The following NKIRAS1 variants were observed in gnomAD, a reference collection of about 807,000 sequenced individuals.
NKIRAS1 encodes the protein NF-kappa-B inhibitor-interacting Ras-like protein 1.
A neutral mutation model predicts 19.8 loss-of-function variants in NKIRAS1; 16 were observed. The ratio of observed to expected loss-of-function variants is 0.81; its 90% CI spans 0.55 to 1.23. The LOEUF is 1.23. NKIRAS1 is among the 50% of genes most tolerant of loss of function. The pLI, the probability that NKIRAS1 is intolerant of heterozygous loss-of-function variation, is 0.00. For missense variants in NKIRAS1, 184 were observed against 220.0 expected, an observed-to-expected ratio of 0.84 and a Z score of 1.04; for synonymous variants, 88 against 79.0, an observed-to-expected ratio of 1.11 and a Z score of -0.61.
chr3:23,917,934 C>A, upstream of NKIRAS1: 10 of 1,613,694 alleles, frequency 6.2e-6, no homozygotes, highest in Non-Finnish European at 8.5e-6. Context: ...TTCTGAGGGT[C>A]CGCTGCTGGC....
chr3:23,914,411 T>C (rs140921439), intron 1 of NKIRAS1, among the ~76,000 whole-genome samples: 64 of 152,320 alleles, frequency 4.2e-4, no homozygotes, highest in African/African-American at 1.4e-3. Context: ...TCTCTAAAAA[T>C]ACTGTCATGT....
intron 1 of NKIRAS1, among the ~76,000 whole-genome samples, chr3:23,933,280 C>T (rs535917348): frequency 6.6e-6 from 1 of 152,242 alleles, no homozygotes; most frequent in African/African-American, 2.4e-5. Flanking sequence ...TCCTGCCTCA[C>T]GCCTCCAGAA....
At chr3:23,920,543 A>C, upstream of NKIRAS1, 1 of 985,304 alleles carries the variant, frequency 1.0e-6, no homozygotes, top group Non-Finnish European at 1.2e-6. Flanking sequence ...CTTCCAGGAG[A>C]CTAGACTACT....
upstream of NKIRAS1, chr3:23,919,189 A>C (rs368646822): frequency 1.2e-6 from 2 of 1,610,094 alleles, no homozygotes; most frequent in East Asian, 2.2e-5. Context: ...CTTTTTTCCT[A>C]TTCTAGGAGC....
chr3:23,928,999 TAAA>T (rs539612913), intron 1 of NKIRAS1, among the ~76,000 whole-genome samples: 1,310 of 122,538 alleles, frequency 0.011, 6 homozygotes, highest in Non-Finnish European at 0.017. Context: ...TCCATCTCTT[TAAA>T]AAAAAAAAAA....
intron 1 of NKIRAS1, among the ~76,000 whole-genome samples, chr3:23,914,764 A>C (rs570143033): frequency 6.6e-6 from 1 of 152,376 alleles, no homozygotes; most frequent in Non-Finnish European, 1.5e-5. Flanking sequence ...CAAATTGAGA[A>C]ACAAAACTGC....
intron 1 of NKIRAS1, among the ~76,000 whole-genome samples, chr3:23,933,634 C>A (rs1450617443): frequency 6.6e-6 from 1 of 152,190 alleles, no homozygotes. Flanking sequence ...CTATCTCCCC[C>A]ACTCCTACTC....
intron 1 of NKIRAS1, among the ~76,000 whole-genome samples, chr3:23,928,117 C>CACAG (rs1705241193): frequency 6.6e-6 from 1 of 151,044 alleles, no homozygotes; most frequent in South Asian, 2.1e-4. Context: ...CACACACACA[C>CACAG]ACACACACAC....
At chr3:23,912,610 A>C (rs1703872200) in intron 1 of NKIRAS1, among the ~76,000 whole-genome samples, 1 of 152,228 alleles carries the variant, frequency 6.6e-6, no homozygotes, top group Admixed American at 6.5e-5. Context: ...AAACTAGCTC[A>C]GCCATTGTGG....
At chr3:23,917,831 A>T, upstream of NKIRAS1, 1 of 1,601,282 alleles carries the variant, frequency 6.2e-7, no homozygotes, top group Non-Finnish European at 8.5e-7. Flanking sequence ...GATATTTAAT[A>T]CACAGTTTGA....
In NKIRAS1 at chr3:23,945,985, C is replaced by A. The variant is rs1045276976; in HGVS notation, c.-140+338G>T. The A allele has an allele frequency of 2.7e-5, 14 of 523,380 alleles. No homozygotes were observed. In the African/African-American group the frequency reaches 2.7e-4, roughly 10 times the overall value. The allele number at this position is 523,380 out of a possible 1,614,324, so 32.4% of individuals were successfully genotyped here. On this transcript the variant is annotated intron_variant, in intron 1 of 4. Coordinates refer to the NKIRAS1 transcript ENST00000421515. ...CGGGGACACGTGAGGCCGCTCGGCT[C>A]CCTGACCCACATTCCCCGGGGCCGC...
At position 23,891,197 on chromosome 3, in the gene NKIRAS1, T is replaced by TTAAC. The variant is rs373096452; in HGVS notation, c.*1894_*1897dup. 6 of 152,556 alleles carry TTAAC rather than the reference T, an allele frequency of 3.9e-5. No homozygotes were observed. The highest frequency in any genetic ancestry group is 3.4e-3 in the Middle Eastern group (1 of 294). 9.5% of individuals were successfully genotyped at this position (152,556 alleles called of 1,614,324 possible). The stretch of plus-strand genomic sequence containing the variant: ...ACCTGTAGTGAAATACCTTAAGCTG[T>TTAAC]TAACTAACTGTAAGGCGTGGAATAG... On this transcript the variant is annotated 3_prime_UTR_variant, in exon 5 of 5. Transcript: ENST00000425478.
At chr3:23,918,378 A>G, upstream of NKIRAS1, 1 of 1,555,514 alleles carries the variant, frequency 6.4e-7, no homozygotes, top group Middle Eastern at 2.4e-4. Flanking sequence ...GTGACAAGCC[A>G]TTGAGTCTTA....
rs771600675 is a variant in NKIRAS1, at chr3:23,926,076, C to T, written c.-139-14626G>A. ...TTTATTTATTTATTTTTTGAGACAG[C>T]GTCTTGCTCTGTCGCCCAGGCTGGA... On this transcript the variant is annotated intron_variant, in intron 1 of 4. Coordinates refer to the NKIRAS1 transcript ENST00000421515. The surrounding 1 kb of genome is among the most constrained non-coding windows in gnomAD (Gnocchi z 4.3). Among the ~76,000 whole-genome samples the T allele has an allele frequency of 1.1e-4, 17 of 152,058 alleles. No individual in the cohort carries two copies. The highest frequency in any genetic ancestry group is 1.9e-4 in the East Asian group (1 of 5,170).
chr3:23,921,570 G>GTTTTTTTTTTTTTTTTTTT, upstream of NKIRAS1: 1 of 508,320 alleles, frequency 2.0e-6, no homozygotes, highest in East Asian at 3.5e-5. Context: ...TGATTATTGA[G>GTTTTTTTTTTTTTTTTTTT]TTTTTTTTTT....
At chr3:23,938,296 A>G (rs1200249398) in intron 1 of NKIRAS1, among the ~76,000 whole-genome samples, 1 of 148,594 alleles carries the variant, frequency 6.7e-6, no homozygotes, top group African/African-American at 2.5e-5. Flanking sequence ...TGCAGCCTCT[A>G]TCTCCCAGGC....
chr3:23,938,586 G>GC (rs1559517216), intron 1 of NKIRAS1, among the ~76,000 whole-genome samples: 1 of 152,074 alleles, frequency 6.6e-6, no homozygotes, highest in African/African-American at 2.4e-5. Context: ...CTTTAAAATT[G>GC]TTCCCTTTTG....
chr3:23,902,357 T>G (rs1702605852), intron 3 of NKIRAS1, among the ~76,000 whole-genome samples: 1 of 152,138 alleles, frequency 6.6e-6, no homozygotes. Context: ...AAACCAAAAA[T>G]TTACTTTCAT....
chr3:23,920,282 C>T (rs1176676449), upstream of NKIRAS1: 6 of 985,650 alleles, frequency 6.1e-6, no homozygotes, highest in Non-Finnish European at 7.2e-6. Flanking sequence ...AAGTAGTTGG[C>T]TATAAGTACG....
Sources: allele counts gnomAD v4.1 joint callset (sites outside exome capture counted in the v4.1 genomes callset), GRCh38; gene constraint gnomAD v4.1.1; non-coding constraint Gnocchi (gnomAD v3.1); transcripts MANE v1.5; gene names NCBI Gene and HGNC (gene_info 2026-07-23, HGNC 2026-07-21).